SCHIP1: variants seen among roughly 807,000 people sequenced by gnomAD.
SCHIP1 encodes the protein schwannomin-interacting protein 1.
A neutral mutation model predicts 29.7 loss-of-function variants in SCHIP1; 8 were observed. The observed-to-expected ratio is 0.27, with a 90% CI of 0.16 to 0.49. The LOEUF (loss-of-function observed/expected upper bound fraction) is 0.49, where lower values mean the gene tolerates loss of function less well. SCHIP1 is among the 20% of genes least tolerant of loss of function. The pLI is 0.99. For missense variants in SCHIP1, 193 were observed against 294.6 expected, an observed-to-expected ratio of 0.66 and a Z score of 2.52; for synonymous variants, 76 against 94.9, an observed-to-expected ratio of 0.80 and a Z score of 1.16.
chr3:159,561,122 A>T, the SCHIP1 span, among the ~76,000 whole-genome samples: 8 of 152,186 alleles, frequency 5.3e-5, no homozygotes, highest in Admixed American at 5.2e-4. Context: ...GTGTATTCTT[A>T]CACAGTGTCT....
the SCHIP1 span, among the ~76,000 whole-genome samples, chr3:159,477,629 TG>T: frequency 6.6e-6 from 1 of 152,164 alleles, no homozygotes; most frequent in Non-Finnish European, 1.5e-5. Context: ...TCTTTAACTG[TG>T]TTATTTTTCT....
the SCHIP1 span, among the ~76,000 whole-genome samples, chr3:159,329,574 T>G: frequency 6.6e-6 from 1 of 152,144 alleles, no homozygotes; most frequent in Non-Finnish European, 1.5e-5. Context: ...GGCATGAGGA[T>G]TAAGTCTAAG....
chr3:159,451,021 G>A, the SCHIP1 span, among the ~76,000 whole-genome samples: 2 of 152,048 alleles, frequency 1.3e-5, no homozygotes, highest in African/African-American at 4.8e-5. Flanking sequence ...TGTTAGCCAG[G>A]ATGGTCTTGA....
the SCHIP1 span, among the ~76,000 whole-genome samples, chr3:159,823,440 T>G: frequency 1.3e-5 from 2 of 152,302 alleles, no homozygotes; most frequent in Non-Finnish European, 2.9e-5. Flanking sequence ...ATCAACGACC[T>G]CAGTTAGATT....
the SCHIP1 span, among the ~76,000 whole-genome samples, chr3:159,300,280 C>A: frequency 1.3e-5 from 2 of 151,720 alleles, no homozygotes; most frequent in Non-Finnish European, 2.9e-5. Context: ...CAAGTACCAC[C>A]ACACCCAGCT....
intron 2 of SCHIP1, 48 bp from the exon 4 acceptor site, chr3:159,886,159 A>C (rs747075665): frequency 6.2e-7 from 1 of 1,607,402 alleles, no homozygotes; most frequent in East Asian, 2.2e-5. Context: ...GCTGAAGCCA[A>C]ATAACAAACA....
At chr3:159,507,936 G>C in the SCHIP1 span, among the ~76,000 whole-genome samples, 1 of 151,648 alleles carries the variant, frequency 6.6e-6, no homozygotes, top group Admixed American at 6.6e-5. Context: ...CTCTTTTTTT[G>C]TTGTGTCTCT....
chr3:159,618,515 G>GA, the SCHIP1 span, among the ~76,000 whole-genome samples: 3 of 152,198 alleles, frequency 2.0e-5, no homozygotes, highest in Non-Finnish European at 2.9e-5. Context: ...TGGAAACCCT[G>GA]AAAATCTACG....
the SCHIP1 span, among the ~76,000 whole-genome samples, chr3:159,277,651 G>A: frequency 6.9e-6 from 1 of 144,594 alleles, no homozygotes; most frequent in Non-Finnish European, 1.6e-5. Flanking sequence ...GGCTGGTGCA[G>A]TGGCTCACGA....
At chr3:159,577,306 T>C in the SCHIP1 span, among the ~76,000 whole-genome samples, 1 of 152,162 alleles carries the variant, frequency 6.6e-6, no homozygotes, top group Non-Finnish European at 1.5e-5. Flanking sequence ...TCTCATGGAA[T>C]TTACACTCTG....
the SCHIP1 span, among the ~76,000 whole-genome samples, chr3:159,395,457 AG>A: frequency 6.6e-6 from 1 of 151,492 alleles, no homozygotes; most frequent in Non-Finnish European, 1.5e-5. Flanking sequence ...TTGGGCATTT[AG>A]TGCTATAAAT....
At chr3:159,822,007 A>C in the SCHIP1 span, among the ~76,000 whole-genome samples, 1 of 152,250 alleles carries the variant, frequency 6.6e-6, no homozygotes, top group African/African-American at 2.4e-5. Context: ...GTGAGATTTC[A>C]TCACGCTATT....
At chr3:159,701,358 C>T in the SCHIP1 span, among the ~76,000 whole-genome samples, 1 of 152,078 alleles carries the variant, frequency 6.6e-6, no homozygotes, top group South Asian at 2.1e-4. Flanking sequence ...ACCCCTGCCC[C>T]CTACACGCAC....
At chr3:159,568,608 T>C in the SCHIP1 span, among the ~76,000 whole-genome samples, 2 of 152,246 alleles carry the variant, frequency 1.3e-5, no homozygotes, top group Middle Eastern at 3.4e-3. Context: ...CTGGAATTGG[T>C]TTCTTAATAC....
the SCHIP1 span, among the ~76,000 whole-genome samples, chr3:159,814,830 G>T: frequency 5.7e-4 from 87 of 152,256 alleles, no homozygotes; most frequent in African/African-American, 2.0e-3. Flanking sequence ...TGTATTTCTC[G>T]TTTGAAAAAT....
At chr3:159,462,869 A>T in the SCHIP1 span, among the ~76,000 whole-genome samples, 1 of 152,098 alleles carries the variant, frequency 6.6e-6, no homozygotes, top group Non-Finnish European at 1.5e-5. Context: ...AATGTTCATT[A>T]CAGTCAAGTC....
At chr3:159,435,499 C>A in the SCHIP1 span, among the ~76,000 whole-genome samples, 1 of 152,108 alleles carries the variant, frequency 6.6e-6, no homozygotes, top group African/African-American at 2.4e-5. Context: ...TAGGTGCCAG[C>A]ACATGAGCTC....
At chr3:159,454,196 C>T in the SCHIP1 span, among the ~76,000 whole-genome samples, 10 of 152,164 alleles carry the variant, frequency 6.6e-5, no homozygotes, top group African/African-American at 9.7e-5. Flanking sequence ...TACTATCCCC[C>T]GAAGATTCTG....
the SCHIP1 span, among the ~76,000 whole-genome samples, chr3:159,288,601 G>A: frequency 6.6e-6 from 1 of 152,220 alleles, no homozygotes; most frequent in South Asian, 2.1e-4. Flanking sequence ...GCTGGGCATG[G>A]TGGCACATGC....
Sources: allele counts gnomAD v4.1 joint callset (sites outside exome capture counted in the v4.1 genomes callset), GRCh38; gene constraint gnomAD v4.1.1; transcripts MANE v1.5; gene names NCBI Gene and HGNC (gene_info 2026-07-23, HGNC 2026-07-21).